GPC6: variants seen among roughly 807,000 people sequenced by gnomAD.
GPC6 encodes glypican-6.
Under a neutral mutation model 55.2 loss-of-function variants are expected in GPC6, and 14 were observed. That is an observed-to-expected ratio of 0.25 (90% confidence interval 0.17 to 0.40). The LOEUF is 0.40. GPC6 is among the 10% of genes least tolerant of loss of function. GPC6 has a pLI of 1.00. For synonymous variants in GPC6, 278 were observed against 259.6 expected, an observed-to-expected ratio of 1.07 and a Z score of -0.68; for missense variants, 641 against 708.5, an observed-to-expected ratio of 0.90 and a Z score of 1.08.
chr13:93,270,293 T>C (rs1877474609), intron 1 of GPC6, among the ~76,000 whole-genome samples: 1 of 151,832 alleles, frequency 6.6e-6, no homozygotes, highest in Non-Finnish European at 1.5e-5. Context: ...AGATTTTATG[T>C]TGCTTCTCCT....
intron 1 of GPC6, among the ~76,000 whole-genome samples, chr13:93,495,860 T>C (rs1439703858): frequency 1.4e-5 from 2 of 147,726 alleles, no homozygotes; most frequent in East Asian, 4.2e-4. Flanking sequence ...AGGGACCCAC[T>C]TGAGGAGGCA....
chr13:93,527,024 A>G (rs192879161), intron 1 of GPC6, among the ~76,000 whole-genome samples: 1 of 152,114 alleles, frequency 6.6e-6, no homozygotes, highest in Admixed American at 6.6e-5. Flanking sequence ...TTGTGTTTTT[A>G]TTCCTACTGA....
chr13:93,578,974 TTAAGTGAA>T (rs1876803440), intron 2 of GPC6, among the ~76,000 whole-genome samples: 1 of 152,114 alleles, frequency 6.6e-6, no homozygotes. Flanking sequence ...GGTCATTATT[TTAAGTGAA>T]TAAGTGAATA....
intron 2 of GPC6, among the ~76,000 whole-genome samples, chr13:93,790,225 A>G (rs1323215747): frequency 6.6e-6 from 1 of 152,176 alleles, no homozygotes; most frequent in African/African-American, 2.4e-5. Flanking sequence ...GGCCTTTCAA[A>G]TAAAACAATA....
chr13:94,253,056 C>A (rs753217042), intron 4 of GPC6, among the ~76,000 whole-genome samples: 1 of 151,960 alleles, frequency 6.6e-6, no homozygotes, highest in Non-Finnish European at 1.5e-5. Context: ...GGGAATTCAG[C>A]GATTCTTTCT....
intron 3 of GPC6, among the ~76,000 whole-genome samples, chr13:93,932,870 AAAACAAATGT>A (rs1878245124): frequency 6.6e-6 from 1 of 152,194 alleles, no homozygotes; most frequent in South Asian, 2.1e-4. Context: ...GGCTTAAAAC[AAAACAAATGT>A]ATTTTCTTTG....
chr13:93,679,290 G>A (rs994018671), intron 2 of GPC6, among the ~76,000 whole-genome samples: 1 of 152,024 alleles, frequency 6.6e-6, no homozygotes, highest in African/African-American at 2.4e-5. Flanking sequence ...CCAATAATGG[G>A]AAATTCAGAA....
intron 1 of GPC6, among the ~76,000 whole-genome samples, chr13:93,488,281 C>T (rs1879810287): frequency 6.6e-6 from 1 of 152,100 alleles, no homozygotes; most frequent in Non-Finnish European, 1.5e-5. Context: ...CATCCATGTC[C>T]CTACAAAGGA....
intron 3 of GPC6, among the ~76,000 whole-genome samples, chr13:93,992,679 T>G (rs1881364867): frequency 6.6e-6 from 1 of 152,224 alleles, no homozygotes; most frequent in African/African-American, 2.4e-5. Flanking sequence ...ATTATTATCA[T>G]GAGATCTTGG....
intron 1 of GPC6, among the ~76,000 whole-genome samples, chr13:93,457,784 T>C (rs1484511697): frequency 2.6e-5 from 4 of 152,128 alleles, no homozygotes; most frequent in Non-Finnish European, 5.9e-5. Flanking sequence ...GAACCAGAGA[T>C]ACTAATGAGA....
chr13:94,278,248 G>T (rs1892271831), intron 4 of GPC6, among the ~76,000 whole-genome samples: 1 of 152,002 alleles, frequency 6.6e-6, no homozygotes, highest in Non-Finnish European at 1.5e-5. Context: ...GTCTATTGTT[G>T]GTATAAAGGA....
chr13:94,333,387 T>A (rs1877524713), intron 6 of GPC6, among the ~76,000 whole-genome samples: 1 of 152,142 alleles, frequency 6.6e-6, no homozygotes, highest in African/African-American at 2.4e-5. Flanking sequence ...TTCCAGTAAG[T>A]CATAAAAACA....
At chr13:94,182,617 A>G (rs532432331) in intron 4 of GPC6, among the ~76,000 whole-genome samples, 23 of 152,298 alleles carry the variant, frequency 1.5e-4, no homozygotes, top group Non-Finnish European at 3.1e-4. Context: ...AACCTTGAAG[A>G]AAAGTGGAAG....
chr13:93,372,113 T>C (rs1874679600), intron 1 of GPC6, among the ~76,000 whole-genome samples: 1 of 152,200 alleles, frequency 6.6e-6, no homozygotes, highest in South Asian at 2.1e-4. Context: ...CATTTATACT[T>C]GCATCTTTTC....
intron 4 of GPC6, among the ~76,000 whole-genome samples, chr13:94,147,919 G>A (rs1395032364): frequency 6.6e-6 from 1 of 152,196 alleles, no homozygotes; most frequent in African/African-American, 2.4e-5. Context: ...GAGCCAAAGA[G>A]AATCCAGTTT....
At chr13:94,282,918 G>A (rs747075280) in intron 4 of GPC6, among the ~76,000 whole-genome samples, 6 of 152,212 alleles carry the variant, frequency 3.9e-5, no homozygotes, top group Non-Finnish European at 7.3e-5. Context: ...CCACCTCTCC[G>A]TGAAAAGAGT....
At chr13:93,797,040 A>T (rs558017160) in intron 2 of GPC6, among the ~76,000 whole-genome samples, 7 of 152,376 alleles carry the variant, frequency 4.6e-5, no homozygotes, top group African/African-American at 1.7e-4. Flanking sequence ...AGACGAGGTA[A>T]CTTTTTTCTT....
intron 1 of GPC6, among the ~76,000 whole-genome samples, chr13:93,324,273 A>G (rs1171037296): frequency 1.3e-5 from 2 of 151,910 alleles, no homozygotes; most frequent in Non-Finnish European, 2.9e-5. Context: ...GATAGAGAAT[A>G]GAAGAATGGT....
chr13:93,817,236 T>G (rs974138043), intron 2 of GPC6, among the ~76,000 whole-genome samples: 6 of 152,208 alleles, frequency 3.9e-5, no homozygotes, highest in African/African-American at 1.4e-4. Flanking sequence ...TGAAATCAGT[T>G]AATATAAGAA....
Sources: allele counts gnomAD v4.1 joint callset (sites outside exome capture counted in the v4.1 genomes callset), GRCh38; gene constraint gnomAD v4.1.1; transcripts MANE v1.5; gene names NCBI Gene and HGNC (gene_info 2026-07-23, HGNC 2026-07-21).